ZNF316: variants seen among roughly 807,000 people sequenced by gnomAD.
The protein encoded by ZNF316 is zinc finger protein 316.
In ZNF316, 23 loss-of-function variants were observed where a neutral mutation model predicts 75.6. The observed-to-expected ratio is 0.30, with a 90% CI of 0.22 to 0.43. The LOEUF (loss-of-function observed/expected upper bound fraction) is 0.43. ZNF316 is among the 20% of genes least tolerant of loss of function. The pLI, the probability that ZNF316 is intolerant of heterozygous loss-of-function variation, is 1.00. For synonymous variants in ZNF316, 827 were observed against 666.2 expected (o/e 1.24, Z -3.72); for missense variants, 1,266 against 1,409.4 (o/e 0.90, Z 1.63).
chr7:6,639,879 C>T lies in ZNF316; in HGVS notation c.-167+738C>T, dbSNP rs1779282284. On this transcript the variant is annotated intron_variant, in intron 3 of 8. Coordinates refer to ENST00000382252, the MANE Select transcript of ZNF316 (RefSeq NM_001278559.2). This position sits in a 1 kb window ranked among gnomAD's most constrained non-coding sequence, Gnocchi z 4.2. ...ATAACACGCAGCACGTGGATTTCGA[C>T]ACTTTGGGCATCTTCACACGCCAAA... Among the ~76,000 whole-genome samples the T allele has an allele frequency of 6.6e-6, 1 of 152,188 alleles. No individual in the cohort carries two copies. Among genetic ancestry groups the T allele is most frequent in the Non-Finnish European group, 1.5e-5 (1 of 68,036 alleles).
rs924223661 is a variant in ZNF316, at chr7:6,653,293, C to G, written c.1697C>G (p.Pro566Arg). ...GAGGCGGCGGTGGCGGCGCCCACCC[C>G]CAGCGGCAAGGTGGACCCCGCGCCG... ...REEAAVAAPTPSGKVDPAPER... is the reference protein window; with the variant it reads ...REEAAVAAPTRSGKVDPAPER... The change falls in exon 9 of 9, where the codon CCC becomes CGC. Residue 566 changes from proline to arginine, a missense_variant. Around this residue, in one of 3 missense-constraint regions of ZNF316, gnomAD observed 961 missense variants for 990.9 expected, o/e 0.97. Coordinates refer to ENST00000382252, the MANE Select transcript of ZNF316 (RefSeq NM_001278559.2). The G allele has an allele frequency of 1.6e-5, 20 of 1,227,508 alleles. No individual in the cohort carries two copies. The highest frequency in any genetic ancestry group is 1.9e-5 in the Non-Finnish European group (19 of 985,954). 76.0% of individuals were successfully genotyped at this position (1,227,508 alleles called of 1,614,324 possible).
In ZNF316 at chr7:6,652,603, T is replaced by C. The variant is rs1238062964; in HGVS notation, c.1007T>C (p.Val336Ala). Residue 336 changes from valine to alanine, a missense_variant, in exon 9 of 9, where the codon GTG becomes GCG. Around this residue, in one of 3 missense-constraint regions of ZNF316, gnomAD observed 961 missense variants for 990.9 expected, o/e 0.97. Coordinates refer to ENST00000382252, the MANE Select transcript of ZNF316 (RefSeq NM_001278559.2). ...LLSPWAFPAA[V>A]APPAGRPETT... is the part of the protein sequence containing the mutation. Reference sequence around the variant, plus strand: ...TCGCCCTGGGCGTTCCCCGCCGCAGTGGCCCCGCCGGCCGGGAGGCCGGAG... The same window carrying C: ...TCGCCCTGGGCGTTCCCCGCCGCAGCGGCCCCGCCGGCCGGGAGGCCGGAG... The C allele has an allele frequency of 2.4e-6, 3 of 1,230,322 alleles. No homozygotes were observed. The highest frequency in any genetic ancestry group is 3.0e-6 in the Non-Finnish European group (3 of 987,046). The allele number at this position is 1,230,322 out of a possible 1,614,324, so 76.2% of individuals were successfully genotyped here. A position where few individuals can be genotyped will look rare whatever the true frequency, so the allele number is the denominator to read the frequency against.
At position 6,652,531 on chromosome 7, in the gene ZNF316, A is replaced by G; in HGVS notation, c.935A>G (p.Glu312Gly). The change falls in exon 9 of 9, where the codon GAA (glutamate) becomes GGA (glycine). Residue 312 changes from glutamate (E) to glycine (G), a missense_variant. Physicochemically the swap from Glu to Gly is moderately conservative, Grantham distance 98. Transcript: ENST00000382252. ...CTGGGGGTCCTGGCCGACGGCTCTG[A>G]AGCGAAGCCTTTCCTGCCCGGCCGG... The part of the protein sequence containing the change: ...GGLGVLADGS[E>G]AKPFLPGREP... 1 of 1,231,114 alleles carries G rather than the reference A, an allele frequency of 8.1e-7. No individual in the cohort carries two copies. The highest frequency in any genetic ancestry group is 4.1e-5 in the South Asian group (1 of 24,342). 76.3% of individuals were successfully genotyped at this position (1,231,114 alleles called of 1,614,324 possible). A position where few individuals can be genotyped will look rare whatever the true frequency, so the allele number is the denominator to read the frequency against.
chr7:6,649,175 TC>T (rs1779461912), intron 8 of ZNF316, among the ~76,000 whole-genome samples: 1 of 152,152 alleles, frequency 6.6e-6, no homozygotes, highest in African/African-American at 2.4e-5. Context: ...GATCGGCCTC[TC>T]CTTTTTATCA....
intron 8 of ZNF316, among the ~76,000 whole-genome samples, chr7:6,649,414 T>TC (rs1237907707): frequency 6.6e-6 from 1 of 152,200 alleles, no homozygotes; most frequent in Non-Finnish European, 1.5e-5. Flanking sequence ...CACCAGCCCC[T>TC]CCTAGTCAGC....
chr7:6,640,040 G>A lies in ZNF316; in HGVS notation c.-167+899G>A, dbSNP rs1003202801. ...AGAAAGGGGGCTGGAGCCAGTCAGG[G>A]GGCACGTGTGACCTTCGGGACAGAG... On this transcript the variant is annotated intron_variant, in intron 3 of 8. Transcript: ENST00000382252. This position sits in a 1 kb window ranked among gnomAD's most constrained non-coding sequence, Gnocchi z 5.1. Among the ~76,000 whole-genome samples the A allele has an allele frequency of 6.6e-6, 1 of 152,138 alleles. No homozygotes were observed. The highest frequency in any genetic ancestry group is 6.6e-5 in the Admixed American group (1 of 15,262).
chr7:6,654,428 G>A lies in ZNF316; in HGVS notation c.2832G>A (p.Pro944=), dbSNP rs993736893. 6 of 1,208,474 alleles carry A rather than the reference G, an allele frequency of 5.0e-6. No individual in the cohort carries two copies. The highest frequency in any genetic ancestry group is 4.1e-5 in the South Asian group (1 of 24,196). 74.9% of individuals were successfully genotyped at this position (1,208,474 alleles called of 1,614,324 possible). A position where few individuals can be genotyped will look rare whatever the true frequency, so the allele number is the denominator to read the frequency against. The change falls in exon 9 of 9, where the codon CCG becomes CCA. Residue 944 remains proline, a synonymous_variant. Coordinates refer to ENST00000382252, the MANE Select transcript of ZNF316 (RefSeq NM_001278559.2). ...MKTHRGATAA[P]GSGSAPAPAP... is the part of the protein sequence containing the mutation. Reference sequence around the variant, plus strand: ...CGCACCGCGGAGCCACCGCAGCGCCGGGCTCGGGTTCGGCCCCAGCCCCCG... The same window carrying A: ...CGCACCGCGGAGCCACCGCAGCGCCAGGCTCGGGTTCGGCCCCAGCCCCCG...
In ZNF316 at chr7:6,653,165, G is replaced by C. The variant is rs1779544171; in HGVS notation, c.1569G>C (p.Glu523Asp). ...GGDGPRREPG[E>D]TAAAAGPEDT... ...ACGGCCCCCGGCGGGAGCCCGGCGA[G>C]ACGGCGGCCGCCGCGGGGCCCGAGG... is the stretch of plus-strand genomic sequence containing the variant. Residue 523 changes from glutamate (E) to aspartate (D), a missense_variant, in exon 9 of 9, where the codon GAG (glutamate) becomes GAC (aspartate). By Grantham distance (45) the Glu-to-Asp change is conservative (BLOSUM62 2). Coordinates refer to ENST00000382252, the MANE Select transcript of ZNF316 (RefSeq NM_001278559.2). 1 of 1,197,134 alleles carries C rather than the reference G, an allele frequency of 8.4e-7. No individual in the cohort carries two copies. Among genetic ancestry groups the C allele is most frequent in the African/African-American group, 1.6e-5 (1 of 62,704 alleles). The allele number at this position is 1,197,134 out of a possible 1,614,324, so 74.2% of individuals were successfully genotyped here.
At chr7:6,645,180 T>G (rs894635356) in intron 8 of ZNF316, among the ~76,000 whole-genome samples, 1 of 152,216 alleles carries the variant, frequency 6.6e-6, no homozygotes, top group African/African-American at 2.4e-5. Context: ...GCCCCCTTTA[T>G]TCATCTGAAG....
At chr7:6,650,567 C>T (rs946248618) in intron 8 of ZNF316, among the ~76,000 whole-genome samples, 1 of 152,206 alleles carries the variant, frequency 6.6e-6, no homozygotes, top group Non-Finnish European at 1.5e-5. Context: ...GGCATGCAGC[C>T]TGGCAGGGGC....
chr7:6,657,571 C>A lies in ZNF316; in HGVS notation c.*2960C>A, dbSNP rs1023819093. Among the ~76,000 whole-genome samples the A allele has an allele frequency of 1.3e-5, 2 of 152,096 alleles. No homozygotes were observed. The highest frequency in any genetic ancestry group is 2.9e-5 in the Non-Finnish European group (2 of 68,032). ...TGAGGCTGGGTGCGATGGCTCATGCCTGTAATCCCAGCACTATGGGAGGCC... is the reference window on the plus strand; with the variant it reads ...TGAGGCTGGGTGCGATGGCTCATGCATGTAATCCCAGCACTATGGGAGGCC... On this transcript the variant is annotated 3_prime_UTR_variant, in exon 9 of 9. Transcript: ENST00000382252.
intron 8 of ZNF316, among the ~76,000 whole-genome samples, chr7:6,644,952 C>G (rs1422799145): frequency 6.6e-6 from 1 of 152,228 alleles, no homozygotes; most frequent in East Asian, 1.9e-4. Context: ...GCTAGCCGTT[C>G]CTCCTGCTTC....
chr7:6,644,709 C>A, intron 8 of ZNF316, 116 bp downstream of exon 8: 1 of 491,014 alleles, frequency 2.0e-6, no homozygotes, highest in Non-Finnish European at 3.2e-6. Context: ...GACTGCGCCT[C>A]TGCCTTTGCC....
chr7:6,652,989 A>T lies in ZNF316; in HGVS notation c.1393A>T (p.Ser465Cys), dbSNP rs1779538968. ...CTACCCGTGTTCGCACTGCGGCCGC[A>T]GCTTCAGCCAGAGCTCGGCGCTGGC... ...RPYPCSHCGR[S>C]FSQSSALARH... The change falls in exon 9 of 9, where the codon AGC (serine) becomes TGC (cysteine). Residue 465 changes from serine (S) to cysteine (C), a missense_variant. By Grantham distance (112) the Ser-to-Cys change is moderately radical. Transcript: ENST00000382252. 8.1e-7 allele frequency: 1 copy of T among 1,232,544 alleles called. No individual in the cohort carries two copies. 76.4% of individuals were successfully genotyped at this position (1,232,544 alleles called of 1,614,324 possible).
rs368518564 is a variant in ZNF316, at chr7:6,650,321, T to C, written c.707-1982T>C. Among the ~76,000 whole-genome samples, 980 of 152,284 alleles carry C rather than the reference T, an allele frequency of 6.4e-3. 14 individuals carry two copies. Among genetic ancestry groups the C allele is most frequent in the South Asian group, 0.057 (274 of 4,824 alleles). ...GCTCTGTGCACGGAGTGGCTGTGGG[T>C]GGCAGTTCGAGGTAGACTCAACTTA... On this transcript the variant is annotated intron_variant, in intron 8 of 8. Transcript: ENST00000382252.
chr7:6,654,247 A>G lies in ZNF316; in HGVS notation c.2651A>G (p.Glu884Gly). 8.2e-7 allele frequency: 1 copy of G among 1,222,740 alleles called. No individual in the cohort carries two copies. The highest frequency in any genetic ancestry group is 1.0e-6 in the Non-Finnish European group (1 of 981,760). 75.7% of individuals were successfully genotyped at this position (1,222,740 alleles called of 1,614,324 possible). A position where few individuals can be genotyped will look rare whatever the true frequency, so the allele number is the denominator to read the frequency against. ...AAGCACCGGCGCGGCCACACGGGCG[A>G]ACGCCCCTTCCCGTGCCCTGAGTGC... is the stretch of plus-strand genomic sequence containing the variant. ...LAKHRRGHTG[E>G]RPFPCPECGK... is the part of the protein sequence containing the mutation. The change falls in exon 9 of 9, where the codon GAA becomes GGA. Residue 884 changes from glutamate to glycine, a missense_variant. Coordinates refer to ENST00000382252, the MANE Select transcript of ZNF316 (RefSeq NM_001278559.2).
rs1779339887 is a variant in ZNF316 at position 6,643,081 on chromosome 7, G to T, written c.465+8G>T. On this transcript the variant is annotated splice_region_variant and intron_variant, in intron 6 of 8. Coordinates refer to ENST00000382252, the MANE Select transcript of ZNF316 (RefSeq NM_001278559.2). ...CTGACGGCTGGGTGTCAGGTGAGCC[G>T]CCCTCTCCGTTTGGGGCTTGGGTAA... is the stretch of plus-strand genomic sequence containing the variant. The T allele has an allele frequency of 1.6e-6, 2 of 1,234,284 alleles. No individual in the cohort carries two copies. The highest frequency in any genetic ancestry group is 2.0e-6 in the Non-Finnish European group (2 of 989,382). 76.5% of individuals were successfully genotyped at this position (1,234,284 alleles called of 1,614,324 possible). A position where few individuals can be genotyped will look rare whatever the true frequency, so the allele number is the denominator to read the frequency against.
At chr7:6,641,066 G>T (rs542707914) in intron 3 of ZNF316, among the ~76,000 whole-genome samples, 1 of 152,248 alleles carries the variant, frequency 6.6e-6, no homozygotes, top group Non-Finnish European at 1.5e-5. Flanking sequence ...GAAGTGATGG[G>T]TTATGGAGGG....
chr7:6,653,325 C>T lies in ZNF316; in HGVS notation c.1729C>T (p.Arg577Cys), dbSNP rs1344414904. The part of the protein sequence containing the change: ...SGKVDPAPER[R>C]FLELGNGLGE... ...CAAGGTGGACCCCGCGCCGGAACGG[C>T]GCTTCCTGGAGCTGGGCAACGGCCT... The change falls in exon 9 of 9, where the codon CGC (arginine) becomes TGC (cysteine). Residue 577 changes from arginine (R) to cysteine (C), a missense_variant. Coordinates refer to ENST00000382252, the MANE Select transcript of ZNF316 (RefSeq NM_001278559.2). 8.2e-6 allele frequency: 10 copies of T among 1,226,454 alleles called. No individual in the cohort carries two copies. The highest frequency in any genetic ancestry group is 1.0e-5 in the Non-Finnish European group (10 of 985,220). 76.0% of individuals were successfully genotyped at this position (1,226,454 alleles called of 1,614,324 possible).
Sources: allele counts gnomAD v4.1 joint callset (sites outside exome capture counted in the v4.1 genomes callset), GRCh38; gene constraint gnomAD v4.1.1; regional missense constraint gnomAD v4.1.1; non-coding constraint Gnocchi (gnomAD v3.1); transcripts MANE v1.5; gene names NCBI Gene and HGNC (gene_info 2026-07-23, HGNC 2026-07-21).